Variants in CATSPERT observed in about 807,000 individuals in gnomAD.
CATSPERT encodes the protein cation channel sperm-associated targeting subunit tau.
the CATSPERT span, among the ~76,000 whole-genome samples, chr2:201,510,225 C>T: frequency 6.6e-6 from 1 of 150,424 alleles, no homozygotes; most frequent in Non-Finnish European, 1.5e-5. Context: ...GGGCTGATCA[C>T]CTGAGGTCAG....
chr2:201,542,243 G>A, the CATSPERT span, among the ~76,000 whole-genome samples: 1 of 152,024 alleles, frequency 6.6e-6, no homozygotes, highest in African/African-American at 2.4e-5. Flanking sequence ...TGAATTATGT[G>A]TGTATACCAC....
At chr2:201,500,576 T>C in the CATSPERT span, among the ~76,000 whole-genome samples, 2 of 152,114 alleles carry the variant, frequency 1.3e-5, no homozygotes, top group Non-Finnish European at 2.9e-5. Context: ...GTGATAAGTA[T>C]GTAACTGAAC....
the CATSPERT span, chr2:201,555,646 T>C: frequency 6.6e-6 from 1 of 152,206 alleles, no homozygotes; most frequent in Non-Finnish European, 1.5e-5. Flanking sequence ...CCTCACCTCA[T>C]CCATACTATT....
chr2:201,565,872 T>C, the CATSPERT span: 2 of 1,570,902 alleles, frequency 1.3e-6, no homozygotes, highest in East Asian at 2.3e-5. Context: ...TAATAACTTT[T>C]CTGCAAAATA....
chr2:201,530,413 C>T, the CATSPERT span, among the ~76,000 whole-genome samples: 69 of 152,120 alleles, frequency 4.5e-4, no homozygotes, highest in Non-Finnish European at 8.7e-4. Flanking sequence ...TGGAATACTA[C>T]GCAGCCTTAA....
At chr2:201,591,052 C>G in the CATSPERT span, among the ~76,000 whole-genome samples, 2 of 152,142 alleles carry the variant, frequency 1.3e-5, no homozygotes, top group Non-Finnish European at 2.9e-5. Context: ...ACATGAAGTC[C>G]TTGCCCATGC....
the CATSPERT span, among the ~76,000 whole-genome samples, chr2:201,571,017 A>G: frequency 6.6e-6 from 1 of 152,150 alleles, no homozygotes; most frequent in Non-Finnish European, 1.5e-5. Flanking sequence ...CATTGGCATC[A>G]TCATAGTAAT....
chr2:201,534,167 A>G, the CATSPERT span, among the ~76,000 whole-genome samples: 1 of 152,068 alleles, frequency 6.6e-6, no homozygotes, highest in Non-Finnish European at 1.5e-5. Context: ...ATCCCAGATG[A>G]GCCCAGCCCT....
the CATSPERT span, chr2:201,574,090 G>A: frequency 1.6e-6 from 1 of 623,410 alleles, no homozygotes; most frequent in Non-Finnish European, 2.5e-6. Context: ...GGGAGGTAAA[G>A]AAGCATCTTT....
At chr2:201,503,066 A>T in the CATSPERT span, among the ~76,000 whole-genome samples, 3 of 151,690 alleles carry the variant, frequency 2.0e-5, no homozygotes, top group African/African-American at 7.3e-5. Context: ...TATACCCTCT[A>T]TTTTTTTCCT....
the CATSPERT span, among the ~76,000 whole-genome samples, chr2:201,597,393 A>G: frequency 6.6e-6 from 1 of 152,328 alleles, no homozygotes; most frequent in East Asian, 1.9e-4. Context: ...GAATAACTAC[A>G]TAGATTTCTG....
chr2:201,524,701 C>T, the CATSPERT span, among the ~76,000 whole-genome samples: 7 of 152,302 alleles, frequency 4.6e-5, no homozygotes, highest in African/African-American at 1.7e-4. Context: ...CAAGACCCAA[C>T]TGTATGGTGT....
At chr2:201,565,108 GAA>G in the CATSPERT span, among the ~76,000 whole-genome samples, 4 of 149,298 alleles carry the variant, frequency 2.7e-5, no homozygotes, top group Admixed American at 1.3e-4. Flanking sequence ...AATACAGAAA[GAA>G]AAAAAAAAGC....
chr2:201,581,582 A>G, the CATSPERT span, among the ~76,000 whole-genome samples: 4 of 82,092 alleles, frequency 4.9e-5, no homozygotes, highest in Non-Finnish European at 7.0e-5. Context: ...ATATATATAT[A>G]TATATATATA....
At chr2:201,594,045 C>T in the CATSPERT span, among the ~76,000 whole-genome samples, 23 of 152,124 alleles carry the variant, frequency 1.5e-4, no homozygotes, top group South Asian at 4.2e-3. Context: ...TTATTTTGCT[C>T]GTTAGTTGAT....
At chr2:201,588,507 A>T in the CATSPERT span, among the ~76,000 whole-genome samples, 1 of 149,172 alleles carries the variant, frequency 6.7e-6, no homozygotes, top group Non-Finnish European at 1.5e-5. Context: ...CAGAATAATA[A>T]GAAAGATATT....
At chr2:201,587,517 T>C in the CATSPERT span, among the ~76,000 whole-genome samples, 1 of 152,184 alleles carries the variant, frequency 6.6e-6, no homozygotes, top group Non-Finnish European at 1.5e-5. Context: ...TGTCCTCCGA[T>C]TTACATTGTT....
chr2:201,506,487 TAA>T, the CATSPERT span, among the ~76,000 whole-genome samples: 3 of 152,214 alleles, frequency 2.0e-5, no homozygotes, highest in Non-Finnish European at 4.4e-5. Flanking sequence ...AAACAAATTA[TAA>T]GAGACAAATT....
At chr2:201,507,583 G>A in the CATSPERT span, among the ~76,000 whole-genome samples, 255 of 152,226 alleles carry the variant, frequency 1.7e-3, 6 homozygotes, top group Non-Finnish European at 2.0e-3. Context: ...AAGTAATGTT[G>A]TATAGTAATG....
Sources: allele counts gnomAD v4.1 joint callset (sites outside exome capture counted in the v4.1 genomes callset), GRCh38; gene constraint gnomAD v4.1.1; transcripts MANE v1.5; gene names NCBI Gene and HGNC (gene_info 2026-07-23, HGNC 2026-07-21).